RYR2: variants seen among roughly 807,000 people sequenced by gnomAD.
RYR2 encodes ryanodine receptor 2.
RYR2 carries 227 observed loss-of-function variants against 601.1 expected under a neutral mutation model. The observed-to-expected ratio is 0.38, with a 90% confidence interval of 0.34 to 0.42. The LOEUF is 0.42. Ranked by LOEUF, RYR2 falls within the 10% of genes least tolerant of loss-of-function variation. The pLI is 1.00. For missense variants in RYR2, 4,646 were observed against 6,156.5 expected (o/e 0.75, Z 8.21); for synonymous variants, 2,223 against 2,175.1 (o/e 1.02, Z -0.61).
Position 237,087,667 on chromosome 1 carries a change from G to A in RYR2, c.48+45098G>A, listed in dbSNP as rs552503002. On this transcript the variant is annotated intron_variant, in intron 1 of 104. Coordinates refer to ENST00000366574, the MANE Select transcript of RYR2 (RefSeq NM_001035.3). ...TGCATGGAAGTTGAATTTATCAGTGGATCTCACCACATTCTCGAATTTGAG... is the reference window on the plus strand; with the variant it reads ...TGCATGGAAGTTGAATTTATCAGTGAATCTCACCACATTCTCGAATTTGAG... Among the ~76,000 whole-genome samples the A allele has an allele frequency of 3.3e-5, 5 of 152,124 alleles. No individual in the cohort carries two copies. The South Asian group carries it at 8.3e-4, about 25-fold the overall frequency.
intron 4 of RYR2, among the ~76,000 whole-genome samples, chr1:237,359,832 G>A (rs1017062192): frequency 6.6e-6 from 1 of 152,146 alleles, no homozygotes; most frequent in African/African-American, 2.4e-5. Context: ...GTAACTAATG[G>A]TCATTTCCAT....
At chr1:237,722,014 T>A (rs1689762842) in intron 73 of RYR2, among the ~76,000 whole-genome samples, 1 of 152,178 alleles carries the variant, frequency 6.6e-6, no homozygotes, top group Admixed American at 6.5e-5. Flanking sequence ...GACTCCTTTA[T>A]GATGAGTGTG....
chr1:237,563,215 G>C (rs2805476), intron 27 of RYR2, among the ~76,000 whole-genome samples: 142,106 of 152,088 alleles, frequency 0.93, 67,113 homozygotes, highest in East Asian at 1. Context: ...CGAGACCAGC[G>C]TGACAATGGT....
chr1:237,370,719 G>T (rs1366514699), intron 6 of RYR2, among the ~76,000 whole-genome samples: 1 of 148,014 alleles, frequency 6.8e-6, no homozygotes, highest in Non-Finnish European at 1.5e-5. Context: ...GGAGTGCAGT[G>T]GCGCGATCTC....
intron 2 of RYR2, among the ~76,000 whole-genome samples, chr1:237,291,208 A>G (rs1692146387): frequency 6.6e-6 from 1 of 152,048 alleles, no homozygotes; most frequent in South Asian, 2.1e-4. Flanking sequence ...TGTCAATGTT[A>G]TTTTTTGTAA....
At chr1:237,361,784 C>A (rs932938036) in intron 4 of RYR2, among the ~76,000 whole-genome samples, 1 of 152,154 alleles carries the variant, frequency 6.6e-6, no homozygotes, top group Non-Finnish European at 1.5e-5. Flanking sequence ...GCTACATTAC[C>A]TGAATTATTG....
At chr1:237,107,153 A>T (rs570268714) in intron 1 of RYR2, among the ~76,000 whole-genome samples, 1 of 152,328 alleles carries the variant, frequency 6.6e-6, no homozygotes, top group South Asian at 2.1e-4. Context: ...AGACCAACAC[A>T]TTAAACAATG....
chr1:237,331,178 A>G (rs1336206048), intron 3 of RYR2, among the ~76,000 whole-genome samples, 196 bp downstream of exon 3: 2 of 152,104 alleles, frequency 1.3e-5, no homozygotes, highest in Non-Finnish European at 2.9e-5. Flanking sequence ...AATATATCCA[A>G]GCTTGATGTG....
At chr1:237,118,697 G>A (rs969783636) in intron 1 of RYR2, among the ~76,000 whole-genome samples, 4 of 151,934 alleles carry the variant, frequency 2.6e-5, no homozygotes, top group Admixed American at 6.6e-5. Flanking sequence ...TCCGCCTCCC[G>A]GATTCAAGCG....
intron 96 of RYR2, among the ~76,000 whole-genome samples, chr1:237,796,137 G>T (rs927963662): frequency 6.6e-6 from 1 of 151,824 alleles, no homozygotes; most frequent in Admixed American, 6.6e-5. Context: ...GTCGCACTGC[G>T]CTAGTGCATC....
intron 98 of RYR2, among the ~76,000 whole-genome samples, chr1:237,804,023 A>C (rs1660316333): frequency 6.6e-6 from 1 of 152,170 alleles, no homozygotes; most frequent in Admixed American, 6.5e-5. Context: ...GTGCCTATTC[A>C]TCAGAGATCT....
chr1:237,193,118 C>CA (rs1680160988), intron 1 of RYR2, among the ~76,000 whole-genome samples: 1 of 126,346 alleles, frequency 7.9e-6, no homozygotes, highest in Non-Finnish European at 1.6e-5. Flanking sequence ...GTCAGGAGAT[C>CA]AAGACCATCC....
intron 1 of RYR2, among the ~76,000 whole-genome samples, chr1:237,140,848 G>T (rs370069832): frequency 1.3e-5 from 2 of 152,246 alleles, no homozygotes; most frequent in East Asian, 3.9e-4. Flanking sequence ...ACCTTACCCA[G>T]CCTCTTAGTA....
chr1:237,795,175 G>T lies in RYR2; in HGVS notation c.13914-114G>T, dbSNP rs75179449. ...TTAGCCAAATTCATTGTAAGTTTAC[G>T]TGGCAGGATATATGTTTACATATTA... On this transcript the variant is annotated intron_variant, in intron 95 of 104. Transcript: ENST00000366574. 34 of 504,754 alleles carry T rather than the reference G, an allele frequency of 6.7e-5. No homozygotes were observed. In the South Asian group the frequency reaches 9.3e-4, roughly 14 times the overall value. 31.3% of individuals were successfully genotyped at this position (504,754 alleles called of 1,614,324 possible).
intron 25 of RYR2, among the ~76,000 whole-genome samples, chr1:237,542,953 C>A (rs1558998459): frequency 6.6e-6 from 1 of 152,132 alleles, no homozygotes; most frequent in Non-Finnish European, 1.5e-5. Flanking sequence ...TCTGACTCTC[C>A]CCTCCTGTAG....
In RYR2 at chr1:237,288,000, G is replaced by T. The variant is rs1691748251; in HGVS notation, c.168+17384G>T. The stretch of plus-strand genomic sequence containing the variant: ...TGTTCAGATTCTTTTGTCCCACGAG[G>T]TGTTCCCTTGATGTAGTACTTTCCC... On this transcript the variant is annotated intron_variant, in intron 2 of 104. Transcript: ENST00000366574. Among the ~76,000 whole-genome samples the T allele has an allele frequency of 5.3e-5, 8 of 152,276 alleles. No homozygotes were observed. In the South Asian group the frequency reaches 1.7e-3, roughly 32 times the overall value.
chr1:237,296,046 C>T (rs1692747548), intron 2 of RYR2, among the ~76,000 whole-genome samples: 1 of 152,174 alleles, frequency 6.6e-6, no homozygotes, highest in Admixed American at 6.5e-5. Context: ...GGCCTCTTTG[C>T]TGGATAGCCA....
chr1:237,692,079 T>C (rs1365904202), intron 63 of RYR2, among the ~76,000 whole-genome samples: 2 of 152,204 alleles, frequency 1.3e-5, no homozygotes, highest in Non-Finnish European at 2.9e-5. Context: ...ATCTGATAAC[T>C]AAGAGTCCAA....
At chr1:237,805,428 A>G (rs1226015807) in intron 98 of RYR2, among the ~76,000 whole-genome samples, 2 of 151,828 alleles carry the variant, frequency 1.3e-5, no homozygotes, top group Non-Finnish European at 2.9e-5. Flanking sequence ...AAAATACAAA[A>G]TAATTAGCCG....
Sources: gnomAD v4.1 joint callset for allele counts (sites outside exome capture counted in the v4.1 genomes callset) on GRCh38, gnomAD v4.1.1 for gene constraint, MANE v1.5 for transcripts, NCBI Gene and HGNC (gene_info 2026-07-23, HGNC 2026-07-21) for gene names.